CLGN: variants seen among roughly 807,000 people sequenced by gnomAD.
The protein encoded by CLGN is testis tissue sperm-binding protein Li 79P.
CLGN carries 62 observed loss-of-function variants against 79.1 expected under a neutral mutation model. That is an observed-to-expected ratio of 0.78 (90% CI 0.64 to 0.97). The LOEUF (loss-of-function observed/expected upper bound fraction) is 0.97, where lower values mean the gene tolerates loss of function less well. Among genes scored for constraint, CLGN ranks in the 50% least tolerant of loss-of-function variants. The pLI is 0.00. For synonymous variants in CLGN, 225 were observed against 224.7 expected, an observed-to-expected ratio of 1.00 and a Z score of -0.01; for missense variants, 647 against 715.5, an observed-to-expected ratio of 0.90 and a Z score of 1.09.
chr4:140,398,744 T>C lies in CLGN; in HGVS notation c.884+107A>G, dbSNP rs72939849. On this transcript the variant is annotated intron_variant, in intron 8 of 14. Transcript: ENST00000325617. ...CACCCAAAATACTAAAAATAAGTAG[T>C]TCTGATGTTTAAAAAAATAAACTTC... The C allele has an allele frequency of 2.1e-3, 1,970 of 935,372 alleles. 21 individuals carry two copies. The African/African-American group carries it at 0.025, about 12-fold the overall frequency. The allele number at this position is 935,372 out of a possible 1,614,324, so 57.9% of individuals were successfully genotyped here. A position where few individuals can be genotyped will look rare whatever the true frequency, so the allele number is the denominator to read the frequency against.
chr4:140,412,898 AAG>A (rs1308338589), intron 2 of CLGN, 35 bp downstream of exon 2: 1 of 1,572,882 alleles, frequency 6.4e-7, no homozygotes, highest in Non-Finnish European at 8.7e-7. Flanking sequence ...GTACTATGTA[AAG>A]GAATAATTTA....
chr4:140,419,474 T>C (rs1729419617), intron 1 of CLGN, among the ~76,000 whole-genome samples: 2 of 152,128 alleles, frequency 1.3e-5, no homozygotes, highest in South Asian at 4.1e-4. Flanking sequence ...TAATGTTGCT[T>C]AAGTGTATAT....
chr4:140,395,806 A>G lies in CLGN; in HGVS notation c.1149+13T>C. On this transcript the variant is annotated intron_variant, in intron 10 of 14. Coordinates refer to ENST00000325617, the MANE Select transcript of CLGN (RefSeq NM_004362.3). ...TTTAACTTCACTAAATAATTGGAACAAGCGGTTGTTACCTGATAGTTAGGA... is the reference window on the plus strand; with the variant it reads ...TTTAACTTCACTAAATAATTGGAACGAGCGGTTGTTACCTGATAGTTAGGA... The G allele has an allele frequency of 2.8e-6, 4 of 1,411,680 alleles. No homozygotes were observed. The highest frequency in any genetic ancestry group is 2.8e-6 in the Non-Finnish European group (3 of 1,079,134). 87.4% of individuals were successfully genotyped at this position (1,411,680 alleles called of 1,614,324 possible).
Position 140,405,178 on chromosome 4 carries a change from TA to T in CLGN, c.419+763del, listed in dbSNP as rs1258993228. On this transcript the variant is annotated intron_variant, in intron 5 of 14. Coordinates refer to ENST00000325617, the MANE Select transcript of CLGN (RefSeq NM_004362.3). ...GATAACAAGTAATTTTTTTTATTTT[TA>T]TTTTTTTTTTTATTTTTTTTTTTGA... Among the ~76,000 whole-genome samples the T allele has an allele frequency of 2.5e-3, 322 of 129,110 alleles. 8 individuals are homozygous for T. Among genetic ancestry groups the T allele is most frequent in the African/African-American group, 7.1e-3 (216 of 30,596 alleles). The allele number at this position is 129,110 out of a possible 152,430, so 84.7% of individuals were successfully genotyped here. A position where few individuals can be genotyped will look rare whatever the true frequency, so the allele number is the denominator to read the frequency against.
At chr4:140,423,572 A>G (rs1729510186) in intron 1 of CLGN, among the ~76,000 whole-genome samples, 1 of 152,218 alleles carries the variant, frequency 6.6e-6, no homozygotes, top group Non-Finnish European at 1.5e-5. Flanking sequence ...ACTCCTCTTC[A>G]ATATTTCGGA....
chr4:140,411,752 A>G (rs1729214361), intron 2 of CLGN, among the ~76,000 whole-genome samples: 1 of 152,112 alleles, frequency 6.6e-6, no homozygotes, highest in African/African-American at 2.4e-5. Flanking sequence ...CCAATCTTCT[A>G]TGAAGTTTAC....
At chr4:140,406,432 T>C (rs556126231) in intron 4 of CLGN, among the ~76,000 whole-genome samples, 8 of 152,358 alleles carry the variant, frequency 5.3e-5, no homozygotes, top group Middle Eastern at 3.4e-3. Context: ...TATGTCAATA[T>C]TGTATTTTCA....
Position 140,404,002 on chromosome 4 carries a change from T to C in CLGN, c.420-1936A>G, listed in dbSNP as rs531760567. Among the ~76,000 whole-genome samples, 4 of 152,316 alleles carry C rather than the reference T, an allele frequency of 2.6e-5. No homozygotes were observed. The East Asian group carries it at 7.7e-4, about 29-fold the overall frequency. ...CAAATGTGTTTGGGAAACACAGTAG[T>C]AATGCTGAAAACAGGTTTTCATATG... On this transcript the variant is annotated intron_variant, in intron 5 of 14. Transcript: ENST00000325617.
chr4:140,399,855 A>C (rs939114185), intron 7 of CLGN, among the ~76,000 whole-genome samples: 2 of 152,222 alleles, frequency 1.3e-5, no homozygotes, highest in Admixed American at 6.5e-5. Context: ...CTCCTTTCGA[A>C]GTACATGCCA....
intron 4 of CLGN, among the ~76,000 whole-genome samples, chr4:140,408,048 T>C (rs1729141037): frequency 6.6e-6 from 1 of 152,082 alleles, no homozygotes; most frequent in Non-Finnish European, 1.5e-5. Flanking sequence ...AACTGATCTT[T>C]GACCAAGCAT....
At chr4:140,392,156 G>T (rs1578897753) in intron 13 of CLGN, 63 bp downstream of exon 13, 1 of 1,532,384 alleles carries the variant, frequency 6.5e-7, no homozygotes, top group Non-Finnish European at 8.9e-7. Flanking sequence ...TTATTTCAAG[G>T]CCATATACAG....
chr4:140,423,038 G>T (rs927778920), intron 1 of CLGN, among the ~76,000 whole-genome samples: 3 of 152,216 alleles, frequency 2.0e-5, no homozygotes, highest in African/African-American at 7.2e-5. Flanking sequence ...CAATTTGAAT[G>T]TCTTTTTTCT....
At chr4:140,397,458 GT>G (rs35231826) in intron 8 of CLGN, among the ~76,000 whole-genome samples, 13,071 of 142,294 alleles carry the variant, frequency 0.092, 698 homozygotes, top group African/African-American at 0.16. Flanking sequence ...GTTTAGGGAG[GT>G]TTTTTTTTTT....
chr4:140,412,963 T>A lies in CLGN; in HGVS notation c.116A>T (p.Asp39Val), dbSNP rs758055342. 6.2e-7 allele frequency: 1 copy of A among 1,613,432 alleles called. No individual in the cohort carries two copies. The highest frequency in any genetic ancestry group is 2.2e-5 in the East Asian group (1 of 44,736). The stretch of plus-strand genomic sequence containing the variant: ...TGAGGAAAGTTCACTTTCATTAACA[T>A]CAATTTCTTCTGAATTTTCTTCAAA... Reference protein sequence around the residue: ...EDFEENSEEIDVNESELSSEI... With the variant: ...EDFEENSEEIVVNESELSSEI... Residue 39 changes from aspartate (D) to valine (V), a missense_variant, in exon 2 of 15, where the codon GAT (aspartate) becomes GTT (valine). Asp to Val is a radical substitution (Grantham distance 152). Transcript: ENST00000325617.
At chr4:140,395,388 C>A (rs533139971) in intron 10 of CLGN, among the ~76,000 whole-genome samples, 1 of 152,026 alleles carries the variant, frequency 6.6e-6, no homozygotes, top group Non-Finnish European at 1.5e-5. Context: ...CCTCGTGATC[C>A]GCCCGCCTTG....
intron 1 of CLGN, among the ~76,000 whole-genome samples, chr4:140,425,263 T>A (rs968095725): frequency 1.3e-5 from 2 of 152,180 alleles, no homozygotes; most frequent in Admixed American, 1.3e-4. Flanking sequence ...AATTATGAAT[T>A]ATAATTCTTT....
At chr4:140,412,231 G>A (rs1274010808) in intron 2 of CLGN, among the ~76,000 whole-genome samples, 1 of 152,084 alleles carries the variant, frequency 6.6e-6, no homozygotes, top group Non-Finnish European at 1.5e-5. Context: ...ATGAAGTAAA[G>A]AAATCTGTAA....
At chr4:140,418,947 C>A (rs1158554515) in intron 1 of CLGN, among the ~76,000 whole-genome samples, 1 of 152,132 alleles carries the variant, frequency 6.6e-6, no homozygotes, top group East Asian at 1.9e-4. Context: ...AGACTTGGAA[C>A]CAACCCAAAT....
intron 10 of CLGN, among the ~76,000 whole-genome samples, chr4:140,395,316 T>G (rs562928433): frequency 7.9e-5 from 12 of 152,164 alleles, no homozygotes; most frequent in African/African-American, 2.9e-4. Context: ...CTGGCTAATT[T>G]TTTGTATTTT....
Sources: gnomAD v4.1 joint callset for allele counts (sites outside exome capture counted in the v4.1 genomes callset) on GRCh38, gnomAD v4.1.1 for gene constraint, MANE v1.5 for transcripts, NCBI Gene and HGNC (gene_info 2026-07-23, HGNC 2026-07-21) for gene names.